Variants in UVRAG observed in about 807,000 individuals in gnomAD.
UVRAG encodes UV radiation resistance-associated gene protein.
Under a neutral mutation model 78.0 loss-of-function variants are expected in UVRAG, and 19 were observed. The ratio of observed to expected loss-of-function variants is 0.24; its 90% CI spans 0.17 to 0.36. UVRAG has a LOEUF of 0.36. UVRAG is among the 10% of genes least tolerant of loss of function. The pLI is 1.00. For synonymous variants in UVRAG, 323 were observed against 324.6 expected (o/e 1.00, Z 0.05); for missense variants, 740 against 853.8 (o/e 0.87, Z 1.66).
chr11:76,080,866 A>AGG (rs1951481694), intron 13 of UVRAG, among the ~76,000 whole-genome samples: 1 of 152,238 alleles, frequency 6.6e-6, no homozygotes, highest in African/African-American at 2.4e-5. Context: ...GAGAACAAGT[A>AGG]CAGACAGACA....
At chr11:76,134,887 G>A (rs902998127) in intron 14 of UVRAG, among the ~76,000 whole-genome samples, 3 of 152,088 alleles carry the variant, frequency 2.0e-5, no homozygotes, top group Non-Finnish European at 2.9e-5. Context: ...ACTTTTACCC[G>A]TCTGTGGCCT....
At chr11:75,935,313 G>A (rs1276910837) in intron 6 of UVRAG, among the ~76,000 whole-genome samples, 1 of 152,166 alleles carries the variant, frequency 6.6e-6, no homozygotes, top group East Asian at 1.9e-4. Context: ...AAGGTCAGTG[G>A]AATTGTATAT....
intron 14 of UVRAG, among the ~76,000 whole-genome samples, chr11:76,121,637 G>A (rs1199603157): frequency 6.6e-6 from 1 of 152,158 alleles, no homozygotes; most frequent in Non-Finnish European, 1.5e-5. Context: ...CAGCATCCAG[G>A]TCCTCAGGCA....
intron 6 of UVRAG, among the ~76,000 whole-genome samples, chr11:75,946,492 C>T (rs747832372): frequency 2.6e-5 from 4 of 152,128 alleles, no homozygotes; most frequent in Admixed American, 6.6e-5. Flanking sequence ...TATTGTTTCT[C>T]GGTTTCTTCT....
chr11:76,007,741 T>G (rs1949974419), intron 10 of UVRAG, 120 bp downstream of exon 10: 1 of 742,696 alleles, frequency 1.3e-6, no homozygotes, highest in Non-Finnish European at 2.2e-6. Context: ...TCATGATTCA[T>G]TCAGGAGCTA....
intron 14 of UVRAG, among the ~76,000 whole-genome samples, chr11:76,119,075 TAGTTCTATGAGTATACTGAAA>T (rs1304297762): frequency 2.0e-5 from 3 of 152,214 alleles, no homozygotes; most frequent in Non-Finnish European, 4.4e-5. Flanking sequence ...GTCTGATTTT[TAGTTCTATGAGTATACTGAAA>T]TTCCTTTTAT....
chr11:75,978,563 A>G (rs1458661291), intron 7 of UVRAG, among the ~76,000 whole-genome samples: 1 of 152,066 alleles, frequency 6.6e-6, no homozygotes, highest in Non-Finnish European at 1.5e-5. Context: ...GGCTTTGTTC[A>G]TTTCTTTTTA....
chr11:75,958,378 G>A (rs997935208), intron 6 of UVRAG, among the ~76,000 whole-genome samples: 12 of 152,230 alleles, frequency 7.9e-5, no homozygotes, highest in South Asian at 2.1e-4. Flanking sequence ...TTATGATGGC[G>A]TAAATTTTTT....
At chr11:76,100,376 A>G (rs1403013736) in intron 13 of UVRAG, among the ~76,000 whole-genome samples, 2 of 152,146 alleles carry the variant, frequency 1.3e-5, no homozygotes, top group Non-Finnish European at 2.9e-5. Context: ...TGCCTGACAC[A>G]TAGTAGATAC....
At chr11:76,039,979 G>A (rs993068783) in intron 12 of UVRAG, among the ~76,000 whole-genome samples, 4 of 152,094 alleles carry the variant, frequency 2.6e-5, no homozygotes, top group Non-Finnish European at 5.9e-5. Context: ...TGAATAAATG[G>A]ATGCACACAC....
intron 8 of UVRAG, among the ~76,000 whole-genome samples, chr11:75,984,976 A>G (rs1949468928): frequency 6.6e-6 from 1 of 152,132 alleles, no homozygotes; most frequent in South Asian, 2.1e-4. Context: ...GTTTCTTAAT[A>G]AAGATTTTTA....
chr11:76,125,816 CA>C (rs879805404), intron 14 of UVRAG, among the ~76,000 whole-genome samples: 1 of 151,922 alleles, frequency 6.6e-6, no homozygotes, highest in Admixed American at 6.5e-5. Context: ...AATTCAGGCA[CA>C]AAAAAATCAC....
In UVRAG at chr11:76,140,949, T is replaced by C; in HGVS notation, c.1636T>C (p.Ser546Pro). ...SMGETERKIT[S>P]LSSSLDTSLD... ...GGGAGAGACCGAGAGAAAGATAACA[T>C]CTCTATCCTCCTCCTTGGATACCTC... Residue 546 changes from serine (S) to proline (P), a missense_variant, in exon 15 of 15, where the codon TCT becomes CCT. Coordinates refer to ENST00000356136, the MANE Select transcript of UVRAG (RefSeq NM_003369.4). 6.2e-7 allele frequency: 1 copy of C among 1,613,944 alleles called. No homozygotes were observed. Among genetic ancestry groups the C allele is most frequent in the Non-Finnish European group, 8.5e-7 (1 of 1,179,998 alleles).
At chr11:76,006,756 A>T (rs1376431263) in intron 9 of UVRAG, among the ~76,000 whole-genome samples, 2 of 151,912 alleles carry the variant, frequency 1.3e-5, no homozygotes, top group African/African-American at 2.4e-5. Flanking sequence ...TTACAGTCCA[A>T]CATATTGGTT....
chr11:75,950,963 T>TACACACACACAC lies in UVRAG; in HGVS notation c.594-10451_594-10440dup, dbSNP rs35864936. On this transcript the variant is annotated intron_variant, in intron 6 of 14. Transcript: ENST00000356136. The stretch of plus-strand genomic sequence containing the variant: ...TTGGATAGAAGTCCTTTGTCAGGTG[T>TACACACACACAC]ACACACACACACACACACACACACA... Among the ~76,000 whole-genome samples, 376 of 140,036 alleles carry TACACACACACAC rather than the reference T, an allele frequency of 2.7e-3. 5 individuals are homozygous for TACACACACACAC. Among genetic ancestry groups the TACACACACACAC allele is most frequent in the African/African-American group, 8.8e-3 (334 of 38,094 alleles). The allele number at this position is 140,036 out of a possible 152,430, so 91.9% of individuals were successfully genotyped here.
chr11:76,052,089 C>T (rs1014915108), intron 12 of UVRAG, among the ~76,000 whole-genome samples: 8 of 152,316 alleles, frequency 5.3e-5, no homozygotes, highest in Non-Finnish European at 1.2e-4. Context: ...AACATTTCTT[C>T]CTTTAGCACC....
At chr11:76,099,362 A>G (rs1285104988) in intron 13 of UVRAG, among the ~76,000 whole-genome samples, 1 of 152,202 alleles carries the variant, frequency 6.6e-6, no homozygotes, top group East Asian at 1.9e-4. Context: ...TACGAGGAAA[A>G]TAACAGTACC....
At chr11:75,892,905 T>A (rs1159062171) in intron 5 of UVRAG, among the ~76,000 whole-genome samples, 1 of 151,860 alleles carries the variant, frequency 6.6e-6, no homozygotes, top group Non-Finnish European at 1.5e-5. Context: ...CCTGGCCGGG[T>A]GCTGTGACTC....
At chr11:76,037,867 C>T (rs191897483) in intron 12 of UVRAG, among the ~76,000 whole-genome samples, 11 of 152,240 alleles carry the variant, frequency 7.2e-5, no homozygotes, top group African/African-American at 1.9e-4. Context: ...AATGTCTTCC[C>T]CTTCAGTGTG....
Sources: gnomAD v4.1 joint callset for allele counts (sites outside exome capture counted in the v4.1 genomes callset) on GRCh38, gnomAD v4.1.1 for gene constraint, MANE v1.5 for transcripts, NCBI Gene and HGNC (gene_info 2026-07-23, HGNC 2026-07-21) for gene names.